Variants in MAST4 observed in about 807,000 individuals in gnomAD.
MAST4 encodes the protein microtubule associated serine/threonine kinase family member 4.
In MAST4, 89 loss-of-function variants were observed where a neutral mutation model predicts 162.7. The ratio of observed to expected loss-of-function variants is 0.55; its 90% CI spans 0.46 to 0.65. The LOEUF is 0.65. Ranked by LOEUF, MAST4 falls within the 30% of genes least tolerant of loss-of-function variation. The pLI, the probability that MAST4 is intolerant of heterozygous loss-of-function variation, is 0.00. For synonymous variants in MAST4, 1,479 were observed against 1,361.1 expected (o/e 1.09, Z -1.91); for missense variants, 3,153 against 3,374.0 (o/e 0.93, Z 1.62).
intron 4 of MAST4, among the ~76,000 whole-genome samples, chr5:67,029,943 A>G (rs983798173): frequency 1.3e-5 from 2 of 152,230 alleles, no homozygotes. Flanking sequence ...TAAGACTTAT[A>G]TATTATTTTT....
At chr5:66,999,350 T>G (rs1751025092) in intron 4 of MAST4, among the ~76,000 whole-genome samples, 1 of 152,228 alleles carries the variant, frequency 6.6e-6, no homozygotes. Context: ...TCCTATGGGC[T>G]GTGTGCCATA....
Position 66,596,997 on chromosome 5 carries a change from C to A in MAST4, c.342C>A (p.Ser114=). 1 of 1,450,044 alleles carries A rather than the reference C, an allele frequency of 6.9e-7. No individual in the cohort carries two copies. The highest frequency in any genetic ancestry group is 1.4e-5 in the South Asian group (1 of 73,474). 89.8% of individuals were successfully genotyped at this position (1,450,044 alleles called of 1,614,324 possible). Residue 114 remains serine, a synonymous_variant, in exon 1 of 29, where the codon TCC becomes TCA. Transcript: ENST00000403625. ...VPPAPRGSSA[S]QEEQDEELDH... ...CCGCGCCCCGGGGCAGCAGCGCGTCCCAGGAGGAGCAGGACGAGGAGGTGG... is the reference window on the plus strand; with the variant it reads ...CCGCGCCCCGGGGCAGCAGCGCGTCACAGGAGGAGCAGGACGAGGAGGTGG...
intron 4 of MAST4, among the ~76,000 whole-genome samples, chr5:67,009,453 T>G (rs1752416008): frequency 6.6e-6 from 1 of 152,200 alleles, no homozygotes; most frequent in Non-Finnish European, 1.5e-5. Context: ...AGGGTCGTTC[T>G]GAAGCCCATT....
At chr5:66,679,224 G>A (rs1454843954) in intron 1 of MAST4, among the ~76,000 whole-genome samples, 2 of 152,180 alleles carry the variant, frequency 1.3e-5, no homozygotes, top group African/African-American at 2.4e-5. Flanking sequence ...GAGATAGTTC[G>A]TTCAGGGGAG....
intron 4 of MAST4, among the ~76,000 whole-genome samples, chr5:66,980,738 G>A (rs574168186): frequency 3.9e-5 from 6 of 152,312 alleles, no homozygotes; most frequent in East Asian, 1.9e-4. Context: ...TAATGTTTAC[G>A]TAGCGTGTCT....
intron 4 of MAST4, among the ~76,000 whole-genome samples, chr5:66,986,805 T>C (rs1450978322): frequency 6.6e-6 from 1 of 151,646 alleles, no homozygotes; most frequent in South Asian, 2.1e-4. Flanking sequence ...AGAGATAGGG[T>C]CTCGCTATGT....
chr5:67,141,521 C>T (rs901192892), intron 19 of MAST4, among the ~76,000 whole-genome samples: 2 of 152,146 alleles, frequency 1.3e-5, no homozygotes, highest in South Asian at 2.1e-4. Context: ...AAGCCTGAAA[C>T]TTGGAAATGG....
intron 5 of MAST4, among the ~76,000 whole-genome samples, chr5:67,084,802 A>G (rs1158347369): frequency 6.6e-6 from 1 of 152,160 alleles, no homozygotes; most frequent in Non-Finnish European, 1.5e-5. Context: ...TTTACTTAGC[A>G]TTGTTGACTG....
chr5:66,785,156 G>C (rs1312608289), intron 2 of MAST4, among the ~76,000 whole-genome samples: 2 of 152,012 alleles, frequency 1.3e-5, no homozygotes, highest in Non-Finnish European at 2.9e-5. Context: ...GCTTGAACCT[G>C]GGAGGCAGAG....
chr5:67,137,140 A>T (rs1769761845), intron 19 of MAST4, among the ~76,000 whole-genome samples: 1 of 152,246 alleles, frequency 6.6e-6, no homozygotes, highest in South Asian at 2.1e-4. Flanking sequence ...TGGACTAATT[A>T]CTAGAAATGA....
At chr5:66,734,153 C>T (rs1274062269) in intron 1 of MAST4, among the ~76,000 whole-genome samples, 1 of 152,148 alleles carries the variant, frequency 6.6e-6, no homozygotes, top group African/African-American at 2.4e-5. Context: ...AAAGTTGTTA[C>T]TCTGTGACCT....
intron 1 of MAST4, among the ~76,000 whole-genome samples, chr5:66,634,395 C>T (rs567696696): frequency 6.2e-4 from 95 of 152,222 alleles, no homozygotes; most frequent in South Asian, 1.0e-3. Context: ...GTTTTTCATG[C>T]ATCTCATCCT....
At chr5:66,869,060 C>T (rs576881925) in intron 3 of MAST4, among the ~76,000 whole-genome samples, 32 of 152,082 alleles carry the variant, frequency 2.1e-4, no homozygotes, top group Admixed American at 1.3e-4. Context: ...ATTTTTTTCC[C>T]GATGAGTAGG....
intron 23 of MAST4, among the ~76,000 whole-genome samples, chr5:67,147,143 A>G (rs551367173): frequency 3.2e-4 from 48 of 152,152 alleles, no homozygotes; most frequent in African/African-American, 1.2e-3. Context: ...CATTTTGATT[A>G]ATAGATTCAC....
At chr5:66,801,963 A>C (rs1395783298) in intron 3 of MAST4, among the ~76,000 whole-genome samples, 1 of 152,224 alleles carries the variant, frequency 6.6e-6, no homozygotes, top group Non-Finnish European at 1.5e-5. Flanking sequence ...CCTTAGAAAT[A>C]TACTGTAATT....
chr5:67,004,102 C>G (rs1003359193), intron 4 of MAST4: 1 of 152,282 alleles, frequency 6.6e-6, no homozygotes, highest in African/African-American at 2.4e-5. Flanking sequence ...GGAGCAGCCG[C>G]GGGTTTATTT....
intron 4 of MAST4, among the ~76,000 whole-genome samples, chr5:67,005,323 A>G (rs891707585): frequency 3.9e-5 from 6 of 152,200 alleles, no homozygotes; most frequent in African/African-American, 1.4e-4. Context: ...AATGTGGATA[A>G]TAAGACATTT....
At chr5:66,924,912 T>C (rs1165741266) in intron 4 of MAST4, among the ~76,000 whole-genome samples, 1 of 152,214 alleles carries the variant, frequency 6.6e-6, no homozygotes, top group Non-Finnish European at 1.5e-5. Context: ...AGTCTCAGCA[T>C]TTAAGAAATA....
At position 66,697,879 on chromosome 5, in the gene MAST4, A is replaced by G. The variant is rs572229045; in HGVS notation, c.364-61830A>G. Reference sequence around the variant, plus strand: ...ATGACACCTAATAACATTTATGAGTACAAAGGGGGCCTGAAACCAAAGTCT... The same window carrying G: ...ATGACACCTAATAACATTTATGAGTGCAAAGGGGGCCTGAAACCAAAGTCT... On this transcript the variant is annotated intron_variant, in intron 1 of 28. Transcript: ENST00000403625. 2.6e-5 allele frequency among the ~76,000 whole-genome samples: 4 copies of G among 152,318 alleles called. No homozygotes were observed. The South Asian group carries it at 8.3e-4, about 32-fold the overall frequency.
Sources: allele counts gnomAD v4.1 joint callset (sites outside exome capture counted in the v4.1 genomes callset), GRCh38; gene constraint gnomAD v4.1.1; transcripts MANE v1.5; gene names NCBI Gene and HGNC (gene_info 2026-07-23, HGNC 2026-07-21).